The following TMX2 variants were observed in gnomAD, a reference collection of about 807,000 sequenced individuals.
The protein encoded by TMX2 is thioredoxin-related transmembrane protein 2.
TMX2 carries 20 observed loss-of-function variants against 33.4 expected under a neutral mutation model. The observed-to-expected ratio is 0.60, with a 90% CI of 0.42 to 0.87. The LOEUF (loss-of-function observed/expected upper bound fraction) is 0.87, where lower values mean the gene tolerates loss of function less well. Among genes scored for constraint, TMX2 ranks in the 40% least tolerant of loss-of-function variants. TMX2 has a pLI of 0.00. For synonymous variants in TMX2, 166 were observed against 140.7 expected, an observed-to-expected ratio of 1.18 and a Z score of -1.27; for missense variants, 340 against 370.7, an observed-to-expected ratio of 0.92 and a Z score of 0.68.
At chr11:57,719,811 C>T (rs191364200) in intron 1 of TMX2, among the ~76,000 whole-genome samples, 1 of 152,080 alleles carries the variant, frequency 6.6e-6, no homozygotes, top group East Asian at 1.9e-4. Flanking sequence ...AACTACTGCA[C>T]CCTGCCTTGA....
rs778493501 is a variant in TMX2 at position 57,738,392 on chromosome 11, C to T, written c.403C>T (p.Pro135Ser). 1.7e-5 allele frequency: 27 copies of T among 1,612,202 alleles called. No individual in the cohort carries two copies. In the East Asian group the frequency reaches 5.6e-4, roughly 33 times the overall value. The change falls in exon 4 of 8, where the codon CCT becomes TCT. Residue 135 changes from proline to serine, a missense_variant. Transcript: ENST00000278422. ...GTGCAAACCCCCCCTATATATGGGC[C>T]CTGAGTATATCAAGTACTTCAATGA... ...MTCKPPLYMG[P>S]EYIKYFNDKT...
intron 1 of TMX2, among the ~76,000 whole-genome samples, chr11:57,726,613 A>T (rs923836637): frequency 9.9e-5 from 15 of 152,200 alleles, no homozygotes; most frequent in African/African-American, 2.7e-4. Flanking sequence ...GCCAAGGAAA[A>T]AACACTGTAG....
chr11:57,718,794 T>C (rs1041650744), intron 1 of TMX2, among the ~76,000 whole-genome samples: 1 of 150,952 alleles, frequency 6.6e-6, no homozygotes, highest in Non-Finnish European at 1.5e-5. Flanking sequence ...AAGCTGGGAC[T>C]ACAGGTGCCT....
intron 1 of TMX2, among the ~76,000 whole-genome samples, chr11:57,723,590 C>T (rs1028339048): frequency 4.0e-5 from 6 of 151,540 alleles, no homozygotes; most frequent in African/African-American, 1.5e-4. Context: ...ATCACAAGGT[C>T]AGGAGTTCGA....
chr11:57,735,238 T>G (rs1312340584), intron 1 of TMX2, among the ~76,000 whole-genome samples: 1 of 151,750 alleles, frequency 6.6e-6, no homozygotes, highest in Non-Finnish European at 1.5e-5. Flanking sequence ...AGACGTTGTT[T>G]CACTCTGTTG....
intron 1 of TMX2, among the ~76,000 whole-genome samples, chr11:57,732,320 C>T (rs983617221): frequency 2.6e-5 from 4 of 152,164 alleles, no homozygotes; most frequent in African/African-American, 9.7e-5. Flanking sequence ...GAGTCATTAC[C>T]TTTACCAGAA....
In TMX2 at chr11:57,737,623, C is replaced by G. The variant is rs1416034014; in HGVS notation, c.205C>G (p.Leu69Val). ...CDFDWREVEI[L>V]MFLSAIVMMK... ...TCTGTTCCAGAGAGAAGTGGAGATC[C>G]TGATGTTTCTCAGTGCCATTGTGAT... Residue 69 changes from leucine to valine, a missense_variant, in exon 2 of 8, where the codon CTG becomes GTG. Leu to Val is a conservative substitution (Grantham distance 32, BLOSUM62 1). This residue lies in a region of TMX2 where 25 missense variants were observed against 46.5 expected (regional missense o/e 0.54). Coordinates refer to ENST00000278422, the MANE Select transcript of TMX2 (RefSeq NM_015959.4). The G allele has an allele frequency of 1.9e-6, 3 of 1,613,790 alleles. No individual in the cohort carries two copies. The highest frequency in any genetic ancestry group is 8.5e-7 in the Non-Finnish European group (1 of 1,179,900).
At chr11:57,716,369 C>G (rs1392824851) in intron 1 of TMX2, among the ~76,000 whole-genome samples, 2 of 118,552 alleles carry the variant, frequency 1.7e-5, no homozygotes, top group Admixed American at 7.8e-5. Flanking sequence ...CCCTCCCGGA[C>G]GGGGCGGCTG....
At chr11:57,726,727 G>A (rs1050537228) in intron 1 of TMX2, among the ~76,000 whole-genome samples, 1 of 152,162 alleles carries the variant, frequency 6.6e-6, no homozygotes, top group African/African-American at 2.4e-5. Flanking sequence ...TAATAAGTCT[G>A]TAACAATTTA....
Position 57,737,667 on chromosome 11 carries a change from C to G in TMX2, c.249C>G (p.Ser83=), listed in dbSNP as rs147972652. ...SAIVMMKNRR[S]ITVEQHIGNI... The stretch of plus-strand genomic sequence containing the variant: ...TTGTGATGATGAAGAACCGCAGATC[C>G]AGTAAGTTTAGTTCACTTCTCAGAC... Residue 83 remains serine (S), a splice_region_variant and synonymous_variant, in exon 2 of 8, where the codon TCC becomes TCG. Coordinates refer to ENST00000278422, the MANE Select transcript of TMX2 (RefSeq NM_015959.4). 1.2e-5 allele frequency: 20 copies of G among 1,613,686 alleles called. No individual in the cohort carries two copies. In the African/African-American group the frequency reaches 2.4e-4, roughly 19 times the overall value.
chr11:57,737,613 A>T lies in TMX2; in HGVS notation c.195A>T (p.Glu65Asp). The T allele has an allele frequency of 6.2e-7, 1 of 1,614,008 alleles. No individual in the cohort carries two copies. Among genetic ancestry groups the T allele is most frequent in the Non-Finnish European group, 8.5e-7 (1 of 1,179,838 alleles). Residue 65 changes from glutamate to aspartate, a missense_variant, in exon 2 of 8, where the codon GAA (glutamate) becomes GAT (aspartate). Physicochemically the swap from Glu to Asp is conservative, Grantham distance 45. Around this residue, in one of 3 missense-constraint regions of TMX2, gnomAD observed 106 missense variants for 82.7 expected, o/e 1.28. Transcript: ENST00000278422. ...DGNPCDFDWR[E>D]VEILMFLSAI... ...ATACTTCGATTCTGTTCCAGAGAGA[A>T]GTGGAGATCCTGATGTTTCTCAGTG...
At chr11:57,715,974 G>T (rs2135454422) in intron 1 of TMX2, among the ~76,000 whole-genome samples, 1 of 152,314 alleles carries the variant, frequency 6.6e-6, no homozygotes, top group South Asian at 2.1e-4. Context: ...AGTTTCCCGT[G>T]TCTACTTCTT....
intron 1 of TMX2, among the ~76,000 whole-genome samples, chr11:57,714,859 G>C (rs993145441): frequency 1.3e-5 from 2 of 152,050 alleles, no homozygotes; most frequent in African/African-American, 4.8e-5. Flanking sequence ...TTCCTAAGGA[G>C]CTGGGATTTA....
At chr11:57,723,502 CAAA>C (rs1050853186) in intron 1 of TMX2, among the ~76,000 whole-genome samples, 1 of 98,510 alleles carries the variant, frequency 1.0e-5, no homozygotes, top group African/African-American at 3.9e-5. Context: ...AAATTCATCG[CAAA>C]AAAAAAAAAA....
intron 1 of TMX2, among the ~76,000 whole-genome samples, chr11:57,723,415 G>A (rs1195428111): frequency 6.6e-6 from 1 of 150,940 alleles, no homozygotes; most frequent in African/African-American, 2.4e-5. Flanking sequence ...CCCGGGAGGC[G>A]GAGGTTGCAG....
intron 1 of TMX2, 152 bp downstream of exon 1, chr11:57,712,959 C>T: frequency 1.2e-6 from 1 of 803,458 alleles, no homozygotes; most frequent in Non-Finnish European, 1.9e-6. Flanking sequence ...TCCGAACCAT[C>T]ATCGAGTCTA....
At chr11:57,738,883 G>T (rs1948912115) in intron 5 of TMX2, 91 bp from the exon 6 acceptor site, 3 of 1,531,500 alleles carry the variant, frequency 2.0e-6, no homozygotes, top group Non-Finnish European at 2.7e-6. Flanking sequence ...GTAACCAAAG[G>T]CATCTCCCTC....
At chr11:57,736,690 C>G (rs527991539) in intron 1 of TMX2, among the ~76,000 whole-genome samples, 6 of 151,982 alleles carry the variant, frequency 3.9e-5, no homozygotes, top group Non-Finnish European at 8.8e-5. Context: ...GAGTTCCATA[C>G]CAGCCCGGGC....
At chr11:57,735,596 AAC>A (rs1008930278) in intron 1 of TMX2, among the ~76,000 whole-genome samples, 2 of 152,218 alleles carry the variant, frequency 1.3e-5, no homozygotes, top group African/African-American at 2.4e-5. Context: ...AGAAGCTAAA[AAC>A]AGACACTTGG....
Sources: gnomAD v4.1 joint callset for allele counts (sites outside exome capture counted in the v4.1 genomes callset) on GRCh38, gnomAD v4.1.1 for gene constraint, gnomAD v4.1.1 regional missense constraint, MANE v1.5 for transcripts, NCBI Gene and HGNC (gene_info 2026-07-23, HGNC 2026-07-21) for gene names.